REPS2: variants seen among roughly 807,000 people sequenced by gnomAD.
The protein encoded by REPS2 is ralBP1-associated Eps domain-containing protein 2.
A neutral mutation model predicts 53.6 loss-of-function variants in REPS2; 23 were observed. The ratio of observed to expected loss-of-function variants is 0.43; its 90% CI spans 0.31 to 0.61. The LOEUF (loss-of-function observed/expected upper bound fraction) is 0.61. REPS2 is among the 20% of genes least tolerant of loss of function. The pLI is 0.11. For missense variants in REPS2, 446 were observed against 534.9 expected, an observed-to-expected ratio of 0.83 and a Z score of 1.64; for synonymous variants, 238 against 218.6, an observed-to-expected ratio of 1.09 and a Z score of -0.78.
At chrX:17,078,612 G>A (rs920171017) in intron 13 of REPS2, among the ~76,000 whole-genome samples, 4 of 111,716 alleles carry the variant, frequency 3.6e-5, no homozygotes, top group African/African-American at 6.5e-5. Context: ...CATGGCTGGC[G>A]GATTATGACC....
chrX:16,989,266 A>T (rs935675837), intron 1 of REPS2, among the ~76,000 whole-genome samples: 18 of 102,802 alleles, frequency 1.8e-4, no homozygotes, highest in African/African-American at 6.0e-4. Context: ...AAAAAAAAAA[A>T]CTCTTGCTGT....
chrX:16,947,553 C>G (rs1162879789), intron 1 of REPS2, among the ~76,000 whole-genome samples: 1 of 111,936 alleles, frequency 8.9e-6, no homozygotes, highest in Non-Finnish European at 1.9e-5. Context: ...GCTGGGATTT[C>G]AACTTGAAGG....
chrX:17,162,570 CT>C, the REPS2 span, among the ~76,000 whole-genome samples: 1 of 112,430 alleles, frequency 8.9e-6, no homozygotes, highest in African/African-American at 3.2e-5. Context: ...AAAGGGAAGG[CT>C]AAGACAGAGT....
chrX:17,004,709 G>A (rs115080831), intron 1 of REPS2, among the ~76,000 whole-genome samples: 3,778 of 111,584 alleles, frequency 0.034, 175 homozygotes, highest in African/African-American at 0.12. Context: ...TACCATAAAT[G>A]TTTTACTAGC....
chrX:16,982,642 C>T (rs2061032133), intron 1 of REPS2, among the ~76,000 whole-genome samples: 1 of 112,148 alleles, frequency 8.9e-6, no homozygotes, highest in Non-Finnish European at 1.9e-5. Flanking sequence ...TTGAAAAATT[C>T]ACTGTCCATT....
chrX:17,059,262 G>A (rs1489405706), intron 8 of REPS2, among the ~76,000 whole-genome samples: 5 of 105,553 alleles, frequency 4.7e-5, no homozygotes, highest in Non-Finnish European at 7.7e-5. Flanking sequence ...CACCCGCCTC[G>A]GCCTCCGAAA....
intron 1 of REPS2, among the ~76,000 whole-genome samples, chrX:16,994,020 G>A (rs2061194714): frequency 8.9e-6 from 1 of 112,376 alleles, no homozygotes; most frequent in Non-Finnish European, 1.9e-5. Flanking sequence ...TCACAGAATT[G>A]GTAGCTACTG....
At chrX:16,965,108 T>C (rs1348012485) in intron 1 of REPS2, among the ~76,000 whole-genome samples, 1 of 86,038 alleles carries the variant, frequency 1.2e-5, no homozygotes, top group Non-Finnish European at 2.3e-5. Context: ...CCCACCTCCC[T>C]CCCGGACGGG....
At chrX:17,061,074 C>T (rs977816521) in intron 8 of REPS2, among the ~76,000 whole-genome samples, 6 of 111,001 alleles carry the variant, frequency 5.4e-5, no homozygotes, top group Admixed American at 2.9e-4. Flanking sequence ...CAGGAAGATC[C>T]GCTCATGATA....
At chrX:16,990,614 A>C (rs1312807949) in intron 1 of REPS2, among the ~76,000 whole-genome samples, 1 of 103,311 alleles carries the variant, frequency 9.7e-6, no homozygotes, top group Non-Finnish European at 2.0e-5. Flanking sequence ...TGTCTTAGGA[A>C]AAAAAAAAAA....
At chrX:17,038,751 A>G (rs2061796490) in intron 5 of REPS2, among the ~76,000 whole-genome samples, 1 of 112,058 alleles carries the variant, frequency 8.9e-6, no homozygotes, top group South Asian at 3.7e-4. Context: ...TCACAGGGAG[A>G]GCAGATACAT....
intron 13 of REPS2, among the ~76,000 whole-genome samples, chrX:17,089,079 A>G (rs1400970912): frequency 9.0e-6 from 1 of 111,727 alleles, no homozygotes; most frequent in Non-Finnish European, 1.9e-5. Flanking sequence ...GCACTCTTCA[A>G]TGTGTTTTTT....
intron 13 of REPS2, among the ~76,000 whole-genome samples, chrX:17,090,024 A>T (rs956430197): frequency 1.8e-5 from 2 of 112,284 alleles, no homozygotes; most frequent in African/African-American, 6.5e-5. Flanking sequence ...CTATTTCTTT[A>T]TATCCTCACC....
chrX:17,068,345 C>A, intron 9 of REPS2, 57 bp from the exon 10 acceptor site: 2 of 1,006,274 alleles, frequency 2.0e-6, no homozygotes, highest in Middle Eastern at 2.6e-4. Flanking sequence ...ATCATATGTG[C>A]GCATCACTTA....
Position 17,137,580 on chromosome X carries a change from T to C in REPS2, c.1809-1276T>C, listed in dbSNP as rs184944265. ...TCTTTGTAAATATTTTCTCTCATTC[T>C]GTGGGCTGTCTTTTCACTTTCTATT... On this transcript the variant is annotated intron_variant, in intron 16 of 17. Transcript: ENST00000357277. The C allele has an allele frequency of 6.2e-5, 7 of 112,388 alleles. No individual in the cohort carries two copies. In the Admixed American group the frequency reaches 6.6e-4, roughly 11 times the overall value. 9.3% of individuals were successfully genotyped at this position (112,388 alleles called of 1,213,427 possible).
At chrX:17,059,569 G>A (rs1254105972) in intron 8 of REPS2, among the ~76,000 whole-genome samples, 1 of 110,238 alleles carries the variant, frequency 9.1e-6, no homozygotes, top group Admixed American at 9.7e-5. Context: ...CCGGGTTCAA[G>A]CAATTCTCCT....
At chrX:17,158,950 G>A in the REPS2 span, among the ~76,000 whole-genome samples, 7 of 112,286 alleles carry the variant, frequency 6.2e-5, no homozygotes, top group Non-Finnish European at 1.3e-4. Flanking sequence ...GTAGACCTCT[G>A]TTTCCAAATA....
intron 1 of REPS2, among the ~76,000 whole-genome samples, chrX:16,955,150 A>G (rs1369144711): frequency 9.0e-6 from 1 of 110,813 alleles, no homozygotes; most frequent in Admixed American, 9.6e-5. Flanking sequence ...GTTCCTTTCC[A>G]GGGTTTTTCA....
intron 2 of REPS2, among the ~76,000 whole-genome samples, chrX:17,014,459 G>A (rs772150436): frequency 9.9e-5 from 11 of 111,541 alleles, no homozygotes; most frequent in Non-Finnish European, 1.7e-4. Context: ...TTGACAAGAG[G>A]TATTTCAGAT....
Sources: gnomAD v4.1 joint callset for allele counts (sites outside exome capture counted in the v4.1 genomes callset) on GRCh38, gnomAD v4.1.1 for gene constraint, MANE v1.5 for transcripts, NCBI Gene and HGNC (gene_info 2026-07-23, HGNC 2026-07-21) for gene names.